The following NR2C1 variants were observed in gnomAD, a reference collection of about 807,000 sequenced individuals.
NR2C1 encodes the protein TR2 nuclear hormone receptor.
Under a neutral mutation model 74.8 loss-of-function variants are expected in NR2C1, and 33 were observed. That is an observed-to-expected ratio of 0.44 (90% confidence interval 0.33 to 0.59). The LOEUF (loss-of-function observed/expected upper bound fraction) is 0.59, where lower values mean the gene tolerates loss of function less well. Among genes scored for constraint, NR2C1 ranks in the 20% least tolerant of loss-of-function variants. The pLI is 0.02. For synonymous variants in NR2C1, 225 were observed against 240.6 expected (o/e 0.94, Z 0.60); for missense variants, 568 against 715.6 (o/e 0.79, Z 2.35).
rs1427995448 is a variant in NR2C1 at position 95,062,587 on chromosome 12, A to G, written c.206T>C (p.Val69Ala). ...TGCTGCATCTGGAGTTGTAAGGAAA[A>G]CTTTTCCCGGAGTGGAATCTTGCCT... ...LARQDSTPGK[V>A]FLTTPDAAGV... Residue 69 changes from valine to alanine, a missense_variant, in exon 3 of 14, where the codon GTT becomes GCT. Coordinates refer to ENST00000333003, the MANE Select transcript of NR2C1 (RefSeq NM_003297.4). 2 of 1,614,030 alleles carry G rather than the reference A, an allele frequency of 1.2e-6. No individual in the cohort carries two copies. The highest frequency in any genetic ancestry group is 1.7e-6 in the Non-Finnish European group (2 of 1,179,988).
Position 95,022,142 on chromosome 12 carries a change from C to A in NR2C1, c.*87G>T, listed in dbSNP as rs1565827561. The A allele has an allele frequency of 1.9e-6, 2 of 1,080,638 alleles. No individual in the cohort carries two copies. Among genetic ancestry groups the A allele is most frequent in the South Asian group, 2.3e-5 (1 of 43,958 alleles). The allele number at this position is 1,080,638 out of a possible 1,614,324, so 66.9% of individuals were successfully genotyped here. A position where few individuals can be genotyped will look rare whatever the true frequency, so the allele number is the denominator to read the frequency against. On this transcript the variant is annotated 3_prime_UTR_variant, in exon 14 of 14. Coordinates refer to ENST00000333003, the MANE Select transcript of NR2C1 (RefSeq NM_003297.4). Reference sequence around the variant, plus strand: ...TGGTTACTTTTTAAAGTAAAAATTTCCAGATGCCTCAAAAGCAGTGAGTTC... The same window carrying A: ...TGGTTACTTTTTAAAGTAAAAATTTACAGATGCCTCAAAAGCAGTGAGTTC...
chr12:95,058,015 T>C, intron 5 of NR2C1, 137 bp from the exon 6 acceptor site: 1 of 823,600 alleles, frequency 1.2e-6, no homozygotes, highest in Admixed American at 2.8e-5. Flanking sequence ...CATCAATCTT[T>C]AGAAATTATG....
chr12:95,061,383 C>T (rs551272942), intron 3 of NR2C1, among the ~76,000 whole-genome samples: 76 of 152,216 alleles, frequency 5.0e-4, no homozygotes, highest in African/African-American at 1.7e-3. Context: ...TGTGTATTTA[C>T]GGGGGAGTAA....
At chr12:95,039,147 T>C (rs1421387748) in intron 10 of NR2C1, among the ~76,000 whole-genome samples, 5 of 152,192 alleles carry the variant, frequency 3.3e-5, no homozygotes, top group Non-Finnish European at 5.9e-5. Flanking sequence ...ATTTTAAAGG[T>C]TAACCATCCT....
At chr12:95,053,943 A>G (rs1873454909) in intron 7 of NR2C1, among the ~76,000 whole-genome samples, 1 of 152,260 alleles carries the variant, frequency 6.6e-6, no homozygotes, top group East Asian at 1.9e-4. Context: ...TTGGCCTCCC[A>G]AAGTGCTGGG....
Position 95,022,111 on chromosome 12 carries a change from G to T in NR2C1, c.*118C>A. The T allele has an allele frequency of 1.4e-6, 1 of 719,978 alleles. No homozygotes were observed. Among genetic ancestry groups the T allele is most frequent in the Non-Finnish European group, 2.1e-6 (1 of 479,438 alleles). 44.6% of individuals were successfully genotyped at this position (719,978 alleles called of 1,614,324 possible). A position where few individuals can be genotyped will look rare whatever the true frequency, so the allele number is the denominator to read the frequency against. ...AGGGAAGCTAAAATAAAAATACCTT[G>T]GATTCTGGTTACTTTTTAAAGTAAA... On this transcript the variant is annotated 3_prime_UTR_variant, in exon 14 of 14. Transcript: ENST00000333003.
intron 2 of NR2C1, among the ~76,000 whole-genome samples, chr12:95,063,450 A>G (rs1013462976): frequency 2.0e-5 from 3 of 152,226 alleles, no homozygotes; most frequent in African/African-American, 7.2e-5. Context: ...TGGGACTCAG[A>G]GGGCTTTGTA....
In NR2C1 at chr12:95,056,958, CAAA is replaced by C. The variant is rs746993156; in HGVS notation, c.783+592_783+594del. Among the ~76,000 whole-genome samples, 25 of 73,306 alleles carry C rather than the reference CAAA, an allele frequency of 3.4e-4. 2 individuals are homozygous for C. The highest frequency in any genetic ancestry group is 2.2e-3 in the Admixed American group (14 of 6,420). 48.1% of individuals were successfully genotyped at this position (73,306 alleles called of 152,430 possible). A position where few individuals can be genotyped will look rare whatever the true frequency, so the allele number is the denominator to read the frequency against. On this transcript the variant is annotated intron_variant, in intron 7 of 13. Transcript: ENST00000333003. ...TCGGCAACAGAGTGAGACTCCATCTCAAAAAAAAAAAAAAAAAGACTTTTACAC... is the reference window on the plus strand; with the variant it reads ...TCGGCAACAGAGTGAGACTCCATCTCAAAAAAAAAAAAAAGACTTTTACAC...
At chr12:95,068,796 T>C (rs1367175248) in intron 1 of NR2C1, among the ~76,000 whole-genome samples, 3 of 128,914 alleles carry the variant, frequency 2.3e-5, no homozygotes, top group Non-Finnish European at 5.0e-5. Context: ...TTCTGTCTCA[T>C]AAAAAAAAAA....
rs556531371 is a variant in NR2C1 at position 95,038,267 on chromosome 12, A to G, written c.1253+2209T>C. 9.8e-5 allele frequency among the ~76,000 whole-genome samples: 15 copies of G among 152,330 alleles called. No homozygotes were observed. In the South Asian group the frequency reaches 3.1e-3, roughly 32 times the overall value. ...TGCGTTATTTCCATAGGATAATTAT[A>G]CTCAATTTAATAGAAGTACTTAAGA... On this transcript the variant is annotated intron_variant, in intron 10 of 13. Coordinates refer to ENST00000333003, the MANE Select transcript of NR2C1 (RefSeq NM_003297.4).
intron 2 of NR2C1, chr12:95,067,003 T>A (rs1486618287): frequency 3.2e-6 from 1 of 316,144 alleles, no homozygotes; most frequent in Non-Finnish European, 5.7e-6. Flanking sequence ...CCACCAAAAC[T>A]AGGCTCAGAT....
intron 7 of NR2C1, among the ~76,000 whole-genome samples, chr12:95,053,412 CTTTA>C (rs1208637406): frequency 1.6e-4 from 24 of 152,010 alleles, no homozygotes; most frequent in African/African-American, 5.6e-4. Context: ...CAGGTAAGTG[CTTTA>C]TTTTTCTTTT....
intron 13 of NR2C1, among the ~76,000 whole-genome samples, chr12:95,022,700 A>AT (rs373684275): frequency 0.13 from 18,791 of 143,218 alleles, 1,705 homozygotes; most frequent in African/African-American, 0.26. Flanking sequence ...AAGTTATACA[A>AT]TTTTTTTTTT....
intron 2 of NR2C1, among the ~76,000 whole-genome samples, chr12:95,066,168 A>T (rs140688544): frequency 2.6e-5 from 4 of 152,148 alleles, no homozygotes; most frequent in African/African-American, 7.2e-5. Context: ...TTGGAATCTC[A>T]TATCTGTTTC....
intron 1 of NR2C1, among the ~76,000 whole-genome samples, chr12:95,072,415 C>T (rs1436233979): frequency 1.9e-4 from 28 of 145,794 alleles, no homozygotes; most frequent in Non-Finnish European, 1.5e-5. Context: ...ATCGCGCCAC[C>T]GCACTCCAGC....
At chr12:95,040,932 A>G (rs1311907739) in intron 9 of NR2C1, among the ~76,000 whole-genome samples, 1 of 152,198 alleles carries the variant, frequency 6.6e-6, no homozygotes, top group Non-Finnish European at 1.5e-5. Context: ...CAACAAATTC[A>G]GTTTAAGGAG....
At chr12:95,064,812 C>A (rs777167750) in intron 2 of NR2C1, among the ~76,000 whole-genome samples, 1 of 152,196 alleles carries the variant, frequency 6.6e-6, no homozygotes, top group Non-Finnish European at 1.5e-5. Flanking sequence ...AAATTCCAAT[C>A]CTGTTCCTTC....
Position 95,062,742 on chromosome 12 carries a change from AC to A in NR2C1, c.55-5del. On this transcript the variant is annotated splice_region_variant and splice_polypyrimidine_tract_variant and intron_variant, in intron 2 of 13. Coordinates refer to ENST00000333003, the MANE Select transcript of NR2C1 (RefSeq NM_003297.4). ...CAGTTTGCTGCTCTGTAACAATCTA[AC>A]AAAATCATGAAAAATAATCAATGAA... 6.2e-7 allele frequency: 1 copy of A among 1,604,156 alleles called. No individual in the cohort carries two copies. Among genetic ancestry groups the A allele is most frequent in the Admixed American group, 1.7e-5 (1 of 59,748 alleles).
chr12:95,026,781 C>A (rs545901023), intron 12 of NR2C1: 2 of 152,224 alleles, frequency 1.3e-5, no homozygotes, highest in Admixed American at 6.5e-5. Context: ...ATGAAAAATA[C>A]AGAACCTAAG....
Sources: allele counts gnomAD v4.1 joint callset (sites outside exome capture counted in the v4.1 genomes callset), GRCh38; gene constraint gnomAD v4.1.1; transcripts MANE v1.5; gene names NCBI Gene and HGNC (gene_info 2026-07-23, HGNC 2026-07-21).